DAPL1: variants seen among roughly 807,000 people sequenced by gnomAD.
DAPL1 encodes death-associated protein-like 1.
Under a neutral mutation model 12.9 loss-of-function variants are expected in DAPL1, and 17 were observed. That is an observed-to-expected ratio of 1.32 (90% CI 0.90 to 1.98). The LOEUF is 1.98. DAPL1 is among the 30% of genes most tolerant of loss of function. The pLI is 0.00. For synonymous variants in DAPL1, 51 were observed against 42.0 expected, an observed-to-expected ratio of 1.21 and a Z score of -0.82; for missense variants, 157 against 125.7, an observed-to-expected ratio of 1.25 and a Z score of -1.19.
chr2:158,815,878 CA>C lies in DAPL1; in HGVS notation c.*62del, dbSNP rs1307224993. 20 of 1,226,894 alleles carry C rather than the reference CA, an allele frequency of 1.6e-5. No individual in the cohort carries two copies. In the African/African-American group the frequency reaches 3.0e-4, roughly 18 times the overall value. 76.0% of individuals were successfully genotyped at this position (1,226,894 alleles called of 1,614,324 possible). ...CTGCCTCGAATATCTGACAGCTTAG[CA>C]AAAAGGGCCAAAGCTTTCCATAGGC... is the stretch of plus-strand genomic sequence containing the variant. On this transcript the variant is annotated 3_prime_UTR_variant, in exon 4 of 4. Coordinates refer to ENST00000309950, the MANE Select transcript of DAPL1 (RefSeq NM_001017920.3).
Position 158,809,096 on chromosome 2 carries a change from C to T in DAPL1, c.207+1981C>T, listed in dbSNP as rs569573971. On this transcript the variant is annotated intron_variant, in intron 3 of 3. Transcript: ENST00000309950. ...TTTTAACAGGCCAGGCACGGTGGCTCACGCCTGTAATCCCAGCACTTTGCG... is the reference window on the plus strand; with the variant it reads ...TTTTAACAGGCCAGGCACGGTGGCTTACGCCTGTAATCCCAGCACTTTGCG... Among the ~76,000 whole-genome samples the T allele has an allele frequency of 8.5e-5, 13 of 152,208 alleles. No individual in the cohort carries two copies. In the South Asian group the frequency reaches 2.3e-3, roughly 27 times the overall value.
chr2:158,807,001 T>C (rs549919189), intron 2 of DAPL1, 54 bp from the exon 3 acceptor site: 2 of 1,424,924 alleles, frequency 1.4e-6, no homozygotes, highest in Admixed American at 1.7e-5. Context: ...CATGTGGCCT[T>C]TTCAGTGGGA....
intron 3 of DAPL1, among the ~76,000 whole-genome samples, 155 bp downstream of exon 3, chr2:158,807,270 T>C (rs2059208091): frequency 6.6e-6 from 1 of 152,212 alleles, no homozygotes. Context: ...GAACACAAAG[T>C]GATTTGAGTG....
Position 158,795,401 on chromosome 2 carries a change from C to T in DAPL1, c.29C>T (p.Ser10Phe). 1 of 1,556,016 alleles carries T rather than the reference C, an allele frequency of 6.4e-7. No individual in the cohort carries two copies. The highest frequency in any genetic ancestry group is 8.7e-7 in the Non-Finnish European group (1 of 1,149,448). Residue 10 changes from serine to phenylalanine, a missense_variant, in exon 1 of 4, where the codon TCC becomes TTC. Coordinates refer to ENST00000309950, the MANE Select transcript of DAPL1 (RefSeq NM_001017920.3). MANEVQDLL[S>F]PRKGGHPPAV... Reference sequence around the variant, plus strand: ...GCAAATGAAGTGCAAGACCTGCTCTCCCCTCGGAAAGGGGGACATCCTCCT... The same window carrying T: ...GCAAATGAAGTGCAAGACCTGCTCTTCCCTCGGAAAGGGGGACATCCTCCT...
chr2:158,803,335 A>T (rs1430735459), intron 1 of DAPL1, among the ~76,000 whole-genome samples: 2 of 152,250 alleles, frequency 1.3e-5, no homozygotes, highest in African/African-American at 4.8e-5. Flanking sequence ...ACAATGATGA[A>T]GTCAGTTGAC....
At chr2:158,804,644 G>T (rs929693251) in intron 2 of DAPL1, among the ~76,000 whole-genome samples, 31 of 152,210 alleles carry the variant, frequency 2.0e-4, no homozygotes, top group African/African-American at 6.8e-4. Flanking sequence ...GCACTTAATA[G>T]GCACAGGCCT....
At chr2:158,804,203 T>C (rs1390096722) in intron 1 of DAPL1, 79 bp from the exon 2 acceptor site, 1 of 924,410 alleles carries the variant, frequency 1.1e-6, no homozygotes, top group African/African-American at 1.7e-5. Flanking sequence ...TATTTTCAAA[T>C]CTAAAGTCAT....
chr2:158,814,424 C>A (rs1212723602), intron 3 of DAPL1, among the ~76,000 whole-genome samples: 1 of 152,002 alleles, frequency 6.6e-6, no homozygotes, highest in Non-Finnish European at 1.5e-5. Flanking sequence ...ATAACTTGTA[C>A]CTGCTCATTG....
At chr2:158,801,789 A>G (rs1024033948) in intron 1 of DAPL1, among the ~76,000 whole-genome samples, 4 of 152,180 alleles carry the variant, frequency 2.6e-5, no homozygotes, top group African/African-American at 4.8e-5. Context: ...AAAAACAGCA[A>G]ATTTCTGACT....
rs560160003 is a variant in DAPL1 at position 158,806,730 on chromosome 2, GGAGGCT to G, written c.147-319_147-314del. Among the ~76,000 whole-genome samples, 8 of 152,054 alleles carry G rather than the reference GGAGGCT, an allele frequency of 5.3e-5. No individual in the cohort carries two copies. In the South Asian group the frequency reaches 1.7e-3, roughly 32 times the overall value. On this transcript the variant is annotated intron_variant, in intron 2 of 3. Transcript: ENST00000309950. ...GCATGCCTGTAATCCCAGCTACTTG[GGAGGCT>G]GAGGCAGAAGAATCGCTTGAACCCA...
chr2:158,796,065 A>G (rs917730254), intron 1 of DAPL1, among the ~76,000 whole-genome samples: 1 of 151,964 alleles, frequency 6.6e-6, no homozygotes, highest in Non-Finnish European at 1.5e-5. Context: ...TTTTTTTTTA[A>G]TTTATGCTAT....
chr2:158,796,798 G>A (rs2059136900), intron 1 of DAPL1, among the ~76,000 whole-genome samples: 1 of 152,156 alleles, frequency 6.6e-6, no homozygotes, highest in Non-Finnish European at 1.5e-5. Flanking sequence ...ACTAATGATT[G>A]CTAATTACTC....
intron 1 of DAPL1, among the ~76,000 whole-genome samples, chr2:158,801,426 G>A (rs1008816188): frequency 1.3e-5 from 2 of 152,108 alleles, no homozygotes; most frequent in African/African-American, 2.4e-5. Flanking sequence ...AGGCACACAC[G>A]CCTCAAACAT....
intron 1 of DAPL1, among the ~76,000 whole-genome samples, chr2:158,801,595 T>A (rs181719880): frequency 6.6e-6 from 1 of 152,298 alleles, no homozygotes; most frequent in Admixed American, 6.5e-5. Flanking sequence ...TATATATATA[T>A]AATTTAAAGC....
At chr2:158,815,635 T>G (rs2059255895) in intron 3 of DAPL1, 70 bp from the exon 4 acceptor site, 1 of 928,420 alleles carries the variant, frequency 1.1e-6, no homozygotes, top group Non-Finnish European at 1.8e-6. Flanking sequence ...GATATCACTT[T>G]CTACTAGTTT....
chr2:158,813,360 T>A (rs897214944), intron 3 of DAPL1, among the ~76,000 whole-genome samples: 1 of 152,212 alleles, frequency 6.6e-6, no homozygotes, highest in Non-Finnish European at 1.5e-5. Flanking sequence ...CTGGACTAAC[T>A]GTACACACAC....
Position 158,813,618 on chromosome 2 carries a change from C to T in DAPL1, c.208-2087C>T, listed in dbSNP as rs968810182. ...TCGCCCAGGCTGGAGTGCAGTGACC[C>T]GATCTCGGCTCACTGCAACCTCCGC... On this transcript the variant is annotated intron_variant, in intron 3 of 3. Transcript: ENST00000309950. Among the ~76,000 whole-genome samples, 20 of 150,224 alleles carry T rather than the reference C, an allele frequency of 1.3e-4. 1 individual carries two copies. The highest frequency in any genetic ancestry group is 3.3e-4 in the Admixed American group (5 of 15,112).
chr2:158,801,965 A>T (rs946516768), intron 1 of DAPL1, among the ~76,000 whole-genome samples: 1 of 152,264 alleles, frequency 6.6e-6, no homozygotes, highest in African/African-American at 2.4e-5. Flanking sequence ...AACAGCTTAC[A>T]GAAAAGGAAA....
At chr2:158,813,889 A>T (rs952806022) in intron 3 of DAPL1, among the ~76,000 whole-genome samples, 2 of 151,750 alleles carry the variant, frequency 1.3e-5, no homozygotes, top group African/African-American at 2.4e-5. Context: ...TCCACCCATC[A>T]TCTCTTTCAC....
Sources: allele counts gnomAD v4.1 joint callset (sites outside exome capture counted in the v4.1 genomes callset), GRCh38; gene constraint gnomAD v4.1.1; transcripts MANE v1.5; gene names NCBI Gene and HGNC (gene_info 2026-07-23, HGNC 2026-07-21).